The following TIMM50 variants were observed in gnomAD, a reference collection of about 807,000 sequenced individuals.
TIMM50 encodes the protein mitochondrial import inner membrane translocase subunit TIM50.
TIMM50 carries 34 observed loss-of-function variants against 49.6 expected under a neutral mutation model. The observed-to-expected ratio is 0.69, with a 90% confidence interval of 0.52 to 0.91. The LOEUF is 0.91. Among genes scored for constraint, TIMM50 ranks in the 40% least tolerant of loss-of-function variants. The pLI is 0.00. For synonymous variants in TIMM50, 199 were observed against 198.4 expected, an observed-to-expected ratio of 1.00 and a Z score of -0.03; for missense variants, 458 against 477.8, an observed-to-expected ratio of 0.96 and a Z score of 0.39.
chr19:39,488,312 G>T, intron 9 of TIMM50, 95 bp downstream of exon 9: 4 of 1,436,068 alleles, frequency 2.8e-6, no homozygotes, highest in Non-Finnish European at 3.8e-6. Flanking sequence ...GGCGACTGAG[G>T]TGCAAGAGGT....
Position 39,485,692 on chromosome 19 carries a change from T to A in TIMM50, c.377T>A (p.Ile126Asn), listed in dbSNP as rs371321785. The A allele has an allele frequency of 6.2e-7, 1 of 1,614,084 alleles. No homozygotes were observed. Among genetic ancestry groups the A allele is most frequent in the Non-Finnish European group, 8.5e-7 (1 of 1,180,026 alleles). The change falls in exon 6 of 11, where the codon ATC becomes AAC. Residue 126 changes from isoleucine to asparagine, a missense_variant. Transcript: ENST00000607714. ...CATCCTGTCCCTCTCCCACAGATGA[T>A]CATCGAGCCCACCAGCCCTTGCCTT... ...YKYFKDYRQM[I>N]IEPTSPCLLP...
intron 1 of TIMM50, 117 bp from the exon 2 acceptor site, chr19:39,481,766 C>A: frequency 7.6e-7 from 1 of 1,323,156 alleles, no homozygotes; most frequent in East Asian, 2.3e-5. Flanking sequence ...CACAGATGTC[C>A]AGGGCTCTGT....
At chr19:39,486,610 G>A (rs528781880) in intron 8 of TIMM50, 115 bp downstream of exon 8, 26 of 934,526 alleles carry the variant, frequency 2.8e-5, no homozygotes, top group African/African-American at 1.8e-4. Context: ...GCCCAGATTC[G>A]ATTCCTGCTG....
rs2079555219 is a variant in TIMM50 at position 39,492,876 on chromosome 19, A to AAAAAAAAAC, written c.*3064_*3065insCAAAAAAAA. 1 of 145,044 alleles carries AAAAAAAAAC rather than the reference A, an allele frequency of 6.9e-6. No homozygotes were observed. The highest frequency in any genetic ancestry group is 1.5e-5 in the Non-Finnish European group (1 of 66,996). The allele number at this position is 145,044 out of a possible 1,614,324, so 9.0% of individuals were successfully genotyped here. A position where few individuals can be genotyped will look rare whatever the true frequency, so the allele number is the denominator to read the frequency against. On this transcript the variant is annotated 3_prime_UTR_variant, in exon 11 of 11. Transcript: ENST00000607714. ...ACAGAGTAAGGCTCTGTCTCCAAAA[A>AAAAAAAAAC]AAAAAAAAAAAAAAAACAAAAAAAA...
Position 39,488,524 on chromosome 19 carries a change from CT to C in TIMM50, c.854-14del. The stretch of plus-strand genomic sequence containing the variant: ...CTTTAGAAGCCTGGCTGACCACCCC[CT>C]GTTGTGCCCACAGCCATTGCACTGA... On this transcript the variant is annotated splice_polypyrimidine_tract_variant and intron_variant, in intron 9 of 10. Coordinates refer to ENST00000607714, the MANE Select transcript of TIMM50 (RefSeq NM_001001563.5). The C allele has an allele frequency of 6.2e-7, 1 of 1,610,518 alleles. No homozygotes were observed. Among genetic ancestry groups the C allele is most frequent in the East Asian group, 2.2e-5 (1 of 44,878 alleles).
At chr19:39,487,022 C>T (rs530435087) in intron 8 of TIMM50, among the ~76,000 whole-genome samples, 6 of 152,020 alleles carry the variant, frequency 3.9e-5, no homozygotes, top group South Asian at 2.1e-4. Flanking sequence ...GGGCTGTGAT[C>T]GAGGGTCTTG....
chr19:39,482,196 CTTCT>C (rs2079477197), intron 2 of TIMM50, among the ~76,000 whole-genome samples, 163 bp downstream of exon 2: 1 of 152,122 alleles, frequency 6.6e-6, no homozygotes, highest in South Asian at 2.1e-4. Context: ...CCAGGGAAGT[CTTCT>C]TTCTTCTCCC....
chr19:39,489,018 A>ACCT (rs2079526786), intron 10 of TIMM50, among the ~76,000 whole-genome samples: 1 of 151,792 alleles, frequency 6.6e-6, no homozygotes, highest in Non-Finnish European at 1.5e-5. Flanking sequence ...GTGGGGAGAG[A>ACCT]TGTGATAGTC....
Position 39,480,900 on chromosome 19 carries a change from G to T in TIMM50, c.47G>T (p.Arg16Leu). The change falls in exon 1 of 11, where the codon CGG becomes CTG. Residue 16 changes from arginine (R) to leucine (L), a missense_variant. Coordinates refer to ENST00000607714, the MANE Select transcript of TIMM50 (RefSeq NM_001001563.5). ...TTCTCGCGCTTGCGAAGCGGGCTCC[G>T]GCTCGGCTCGCGGGGACTGTGCACG... ...AVFSRLRSGL[R>L]LGSRGLCTRL... The T allele has an allele frequency of 6.3e-7, 1 of 1,594,432 alleles. No individual in the cohort carries two copies. The highest frequency in any genetic ancestry group is 8.5e-7 in the Non-Finnish European group (1 of 1,175,838).
intron 10 of TIMM50, among the ~76,000 whole-genome samples, chr19:39,489,268 G>T (rs1228300857): frequency 3.3e-5 from 5 of 152,062 alleles, no homozygotes; most frequent in African/African-American, 1.2e-4. Flanking sequence ...GGATGATGCA[G>T]TCTGGTGAGG....
chr19:39,486,968 C>T (rs1253263086), intron 8 of TIMM50, among the ~76,000 whole-genome samples: 4 of 151,900 alleles, frequency 2.6e-5, no homozygotes, highest in South Asian at 2.1e-4. Flanking sequence ...TGTGTCGTGT[C>T]GGGGTGGGGG....
intron 4 of TIMM50, 34 bp from the exon 5 acceptor site, chr19:39,485,510 T>C (rs551322847): frequency 1.2e-6 from 2 of 1,613,994 alleles, no homozygotes; most frequent in South Asian, 1.1e-5. Flanking sequence ...CAGCGGCTTA[T>C]TGTGGAATCT....
At position 39,486,438 on chromosome 19, in the gene TIMM50, C is replaced by T. The variant is rs2079507640; in HGVS notation, c.639C>T (p.Phe213=). ...PLIDSVDPHG[F]ISYRLFRDAT... is the part of the protein sequence containing the mutation. ...TTGATAGTGTGGACCCCCATGGCTT[C>T]ATCTCCTACCGCCTATTCCGGGACG... The change falls in exon 8 of 11, where the codon TTC becomes TTT. Residue 213 remains phenylalanine, a synonymous_variant. Coordinates refer to ENST00000607714, the MANE Select transcript of TIMM50 (RefSeq NM_001001563.5). The T allele has an allele frequency of 1.2e-6, 2 of 1,614,050 alleles. No individual in the cohort carries two copies. The highest frequency in any genetic ancestry group is 1.7e-5 in the Admixed American group (1 of 59,992).
chr19:39,486,944 T>A (rs1299863997), intron 8 of TIMM50, among the ~76,000 whole-genome samples: 1 of 152,110 alleles, frequency 6.6e-6, no homozygotes, highest in Non-Finnish European at 1.5e-5. Context: ...TCTGTGTGTC[T>A]GTTGGTTTCT....
chr19:39,481,000 C>T (rs1171260264), intron 1 of TIMM50, 39 bp downstream of exon 1: 1 of 1,542,316 alleles, frequency 6.5e-7, no homozygotes, highest in African/African-American at 1.4e-5. Context: ...TGTGGGGTCC[C>T]TTCCCTGGAG....
chr19:39,486,489 T>C lies in TIMM50; in HGVS notation c.690T>C (p.His230=). Reference sequence around the variant, plus strand: ...CCACAAGATACATGGATGGACACCATGTAAAGGTGCCGTGGGTTCATGGGT... The same window carrying C: ...CCACAAGATACATGGATGGACACCACGTAAAGGTGCCGTGGGTTCATGGGT... ...RDATRYMDGH[H]VKDISCLNRD... Residue 230 remains histidine (H), a synonymous_variant, in exon 8 of 11, where the codon CAT becomes CAC. Transcript: ENST00000607714. 1 of 1,614,044 alleles carries C rather than the reference T, an allele frequency of 6.2e-7. No individual in the cohort carries two copies. Among genetic ancestry groups the C allele is most frequent in the South Asian group, 1.1e-5 (1 of 91,080 alleles).
In TIMM50 at chr19:39,489,715, C is replaced by T. The variant is rs1391005717; in HGVS notation, c.961-4C>T. 6.2e-7 allele frequency: 1 copy of T among 1,603,528 alleles called. No homozygotes were observed. Among genetic ancestry groups the T allele is most frequent in the South Asian group, 1.1e-5 (1 of 88,770 alleles). The stretch of plus-strand genomic sequence containing the variant: ...CCTCTCCTCCAACTGTCCCCCTACC[C>T]CAGGAGGAGCAGCAGCGCCTGGCCG... On this transcript the variant is annotated splice_polypyrimidine_tract_variant and splice_region_variant and intron_variant, in intron 10 of 10. Transcript: ENST00000607714.
At chr19:39,489,647 GACCTGGGC>G in intron 10 of TIMM50, 64 bp from the exon 11 acceptor site, 1 of 1,390,606 alleles carries the variant, frequency 7.2e-7, no homozygotes, top group Non-Finnish European at 9.9e-7. Context: ...GAGGCCTGGG[GACCTGGGC>G]ATCTGGGAGG....
At position 39,488,426 on chromosome 19, in the gene TIMM50, A is replaced by G. The variant is rs1249197293; in HGVS notation, c.854-113A>G. 1.2e-5 allele frequency: 14 copies of G among 1,126,368 alleles called. No individual in the cohort carries two copies. In the East Asian group the frequency reaches 2.8e-4, roughly 23 times the overall value. 69.8% of individuals were successfully genotyped at this position (1,126,368 alleles called of 1,614,324 possible). ...GAGCCCTTTCAGAGCGTTCAGAAGC[A>G]TTCCAGGTAGCACTGACTGCCCCCG... On this transcript the variant is annotated intron_variant, in intron 9 of 10. Coordinates refer to ENST00000607714, the MANE Select transcript of TIMM50 (RefSeq NM_001001563.5).
Sources: allele counts gnomAD v4.1 joint callset (sites outside exome capture counted in the v4.1 genomes callset), GRCh38; gene constraint gnomAD v4.1.1; transcripts MANE v1.5; gene names NCBI Gene and HGNC (gene_info 2026-07-23, HGNC 2026-07-21).